Variants in IMMP2L observed in about 807,000 individuals in gnomAD.
IMMP2L encodes mitochondrial inner membrane protease subunit 2.
Under a neutral mutation model 19.3 loss-of-function variants are expected in IMMP2L, and 18 were observed. The observed-to-expected ratio is 0.93, with a 90% CI of 0.64 to 1.38. The LOEUF (loss-of-function observed/expected upper bound fraction) is 1.38, where lower values mean the gene tolerates loss of function less well. Ranked by LOEUF, IMMP2L falls within the 40% of genes most tolerant of loss-of-function variation. IMMP2L has a pLI of 0.00. For synonymous variants in IMMP2L, 76 were observed against 73.0 expected (o/e 1.04, Z -0.21); for missense variants, 233 against 218.2 (o/e 1.07, Z -0.43).
rs1236016562 is a variant in IMMP2L at position 111,562,035 on chromosome 7, A to G, written c.-187T>C. 2 of 152,426 alleles carry G rather than the reference A, an allele frequency of 1.3e-5. No individual in the cohort carries two copies. Among genetic ancestry groups the G allele is most frequent in the East Asian group, 1.9e-4 (1 of 5,146 alleles). 9.4% of individuals were successfully genotyped at this position (152,426 alleles called of 1,614,324 possible). On this transcript the variant is annotated 5_prime_UTR_variant, in exon 1 of 6. Coordinates refer to ENST00000405709, the MANE Select transcript of IMMP2L (RefSeq NM_032549.4). ...CAGGCAGAAGGCAGCGCGCCCCCAC[A>G]GCGCTCCCTCACGGCCAGAGCCGGG...
At chr7:111,139,487 T>C (rs918894817) in intron 3 of IMMP2L, among the ~76,000 whole-genome samples, 12 of 152,108 alleles carry the variant, frequency 7.9e-5, no homozygotes, top group African/African-American at 1.2e-4. Context: ...CCTGAAATAA[T>C]TGAGAATTAT....
At chr7:111,273,131 A>G (rs37741) in intron 3 of IMMP2L, among the ~76,000 whole-genome samples, 83,097 of 151,708 alleles carry the variant, frequency 0.55, 23,203 homozygotes, top group South Asian at 0.71. Flanking sequence ...ACAAAAATTC[A>G]CTGGGCATGG....
At chr7:110,668,297 A>G (rs1472422150) in intron 5 of IMMP2L, among the ~76,000 whole-genome samples, 1 of 152,212 alleles carries the variant, frequency 6.6e-6, no homozygotes, top group Non-Finnish European at 1.5e-5. Context: ...ACTTCCAGGA[A>G]ATACTTCCCT....
At chr7:111,219,277 T>C (rs1812274941) in intron 3 of IMMP2L, among the ~76,000 whole-genome samples, 1 of 151,998 alleles carries the variant, frequency 6.6e-6, no homozygotes, top group South Asian at 2.1e-4. Flanking sequence ...CATAACTTTT[T>C]TTCTTTGTTT....
intron 5 of IMMP2L, among the ~76,000 whole-genome samples, chr7:110,847,180 T>C (rs1193696328): frequency 6.6e-6 from 1 of 152,218 alleles, no homozygotes; most frequent in African/African-American, 2.4e-5. Flanking sequence ...AAGCTAGACA[T>C]ATTCTAATAA....
At chr7:110,775,591 G>A (rs1433400428) in intron 5 of IMMP2L, among the ~76,000 whole-genome samples, 1 of 152,038 alleles carries the variant, frequency 6.6e-6, no homozygotes, top group Non-Finnish European at 1.5e-5. Context: ...ACACACATTT[G>A]TCTTTAGTTC....
chr7:111,009,792 T>C (rs930064925), intron 3 of IMMP2L, among the ~76,000 whole-genome samples: 5 of 152,128 alleles, frequency 3.3e-5, no homozygotes, highest in Non-Finnish European at 5.9e-5. Flanking sequence ...AAATGGATTT[T>C]GGGTTCTCTG....
chr7:110,980,314 G>A (rs558992395), intron 3 of IMMP2L, among the ~76,000 whole-genome samples: 16 of 141,100 alleles, frequency 1.1e-4, no homozygotes, highest in African/African-American at 2.7e-4. Context: ...TGCAAGCTCC[G>A]CCTCCCGGGT....
intron 3 of IMMP2L, among the ~76,000 whole-genome samples, chr7:111,310,242 A>AC (rs1823363150): frequency 6.6e-6 from 1 of 151,652 alleles, no homozygotes. Flanking sequence ...CAAAAAAAAA[A>AC]AAAATCTAAG....
At chr7:111,537,530 T>A (rs1847999659) in intron 1 of IMMP2L, among the ~76,000 whole-genome samples, 1 of 93,936 alleles carries the variant, frequency 1.1e-5, no homozygotes, top group Non-Finnish European at 2.1e-5. Context: ...ACTTCCACTT[T>A]TTTTTTTTTT....
chr7:111,493,614 AG>A (rs1843304959), intron 2 of IMMP2L, among the ~76,000 whole-genome samples: 1 of 151,960 alleles, frequency 6.6e-6, no homozygotes, highest in Non-Finnish European at 1.5e-5. Flanking sequence ...CTGAGACAGG[AG>A]AACGGCGTGA....
At chr7:110,723,247 T>G (rs1194547806) in intron 5 of IMMP2L, among the ~76,000 whole-genome samples, 1 of 152,200 alleles carries the variant, frequency 6.6e-6, no homozygotes, top group Non-Finnish European at 1.5e-5. Flanking sequence ...ACAGAAGTTA[T>G]GCATGTGTGT....
intron 3 of IMMP2L, among the ~76,000 whole-genome samples, chr7:111,181,352 A>T (rs1807685256): frequency 6.6e-6 from 1 of 152,068 alleles, no homozygotes; most frequent in Non-Finnish European, 1.5e-5. Flanking sequence ...CATTTTACTT[A>T]TCACTATTCT....
chr7:110,842,397 G>C (rs975373672), intron 5 of IMMP2L, among the ~76,000 whole-genome samples: 3 of 152,240 alleles, frequency 2.0e-5, no homozygotes, highest in Middle Eastern at 3.4e-3. Flanking sequence ...GCTTGAGTTC[G>C]GGTCCACAGG....
At chr7:110,702,859 T>C (rs1386387634) in intron 5 of IMMP2L, among the ~76,000 whole-genome samples, 1 of 152,168 alleles carries the variant, frequency 6.6e-6, no homozygotes, top group Non-Finnish European at 1.5e-5. Flanking sequence ...TTTAAAACTT[T>C]TACTTTTCAC....
chr7:110,817,511 C>T (rs975121098), intron 5 of IMMP2L, among the ~76,000 whole-genome samples: 3 of 152,050 alleles, frequency 2.0e-5, no homozygotes, highest in African/African-American at 7.2e-5. Context: ...TAGGAAGAAT[C>T]AATATTGTGA....
At chr7:111,427,368 T>C (rs1239769855) in intron 3 of IMMP2L, among the ~76,000 whole-genome samples, 1 of 151,776 alleles carries the variant, frequency 6.6e-6, no homozygotes. Context: ...AAGGCAGGAT[T>C]AATATTAGGG....
At chr7:111,204,482 T>C (rs972323407) in intron 3 of IMMP2L, among the ~76,000 whole-genome samples, 1 of 152,164 alleles carries the variant, frequency 6.6e-6, no homozygotes, top group Non-Finnish European at 1.5e-5. Context: ...ATAATGCCAG[T>C]TGATCTATAT....
chr7:110,800,029 G>A (rs1443013831), intron 5 of IMMP2L, among the ~76,000 whole-genome samples: 1 of 152,006 alleles, frequency 6.6e-6, no homozygotes, highest in Non-Finnish European at 1.5e-5. Flanking sequence ...AATATTAAAT[G>A]CATGTGTAAA....
Sources: allele counts gnomAD v4.1 joint callset (sites outside exome capture counted in the v4.1 genomes callset), GRCh38; gene constraint gnomAD v4.1.1; transcripts MANE v1.5; gene names NCBI Gene and HGNC (gene_info 2026-07-23, HGNC 2026-07-21).